KDM5B: variants seen among roughly 807,000 people sequenced by gnomAD.
KDM5B encodes lysine demethylase 5B, also known as lysine-specific demethylase 5B.
Under a neutral mutation model 193.4 loss-of-function variants are expected in KDM5B, and 144 were observed. That is an observed-to-expected ratio of 0.74 (90% CI 0.65 to 0.86). The LOEUF (loss-of-function observed/expected upper bound fraction) is 0.86. Ranked by LOEUF, KDM5B falls within the 40% of genes least tolerant of loss-of-function variation. The probability of loss-of-function intolerance (pLI) is 0.00; values close to 1 mark genes in which losing one functional copy is unlikely to be tolerated. For missense variants in KDM5B, 1,833 were observed against 1,886.9 expected (o/e 0.97, Z 0.53); for synonymous variants, 668 against 682.6 (o/e 0.98, Z 0.33).
intron 4 of KDM5B, among the ~76,000 whole-genome samples, chr1:202,771,591 T>A (rs1010159106): frequency 6.8e-6 from 1 of 148,044 alleles, no homozygotes; most frequent in Non-Finnish European, 1.5e-5. Flanking sequence ...TTATTTTATT[T>A]ATTTTTTTTG....
At chr1:202,754,356 A>G (rs992036381) in intron 11 of KDM5B, among the ~76,000 whole-genome samples, 3 of 152,188 alleles carry the variant, frequency 2.0e-5, no homozygotes, top group Non-Finnish European at 4.4e-5. Context: ...AAATATTTTT[A>G]TATTTAGAAG....
At chr1:202,767,526 A>G (rs1656523256) in intron 4 of KDM5B, 1 of 651,634 alleles carries the variant, frequency 1.5e-6, no homozygotes, top group Non-Finnish European at 2.8e-6. Flanking sequence ...GTGTGCAAGG[A>G]CTGAAAGGAT....
intron 7 of KDM5B, 34 bp downstream of exon 7, chr1:202,762,665 G>A (rs1362184264): frequency 1.6e-6 from 2 of 1,221,094 alleles, no homozygotes; most frequent in South Asian, 1.2e-5. Flanking sequence ...AAGGAAAACA[G>A]GAAAGAAAAA....
chr1:202,768,404 TAAC>T (rs1656564011), intron 4 of KDM5B, among the ~76,000 whole-genome samples: 2 of 152,080 alleles, frequency 1.3e-5, no homozygotes, highest in Admixed American at 1.3e-4. Flanking sequence ...TACGTGGAAA[TAAC>T]AACCTTCCTG....
chr1:202,742,924 T>C, intron 16 of KDM5B, 119 bp from the exon 17 acceptor site: 1 of 803,402 alleles, frequency 1.2e-6, no homozygotes, highest in Non-Finnish European at 1.9e-6. Flanking sequence ...TACAAATGTT[T>C]GCAATGCTTT....
intron 4 of KDM5B, among the ~76,000 whole-genome samples, chr1:202,768,839 T>TCC (rs1340010875): frequency 6.7e-6 from 1 of 149,306 alleles, no homozygotes; most frequent in African/African-American, 2.5e-5. Context: ...TGCCTCAGCC[T>TCC]CCCAAGTAGC....
At chr1:202,793,414 T>C (rs1657720070) in intron 1 of KDM5B, among the ~76,000 whole-genome samples, 2 of 152,244 alleles carry the variant, frequency 1.3e-5, no homozygotes, top group Non-Finnish European at 2.9e-5. Flanking sequence ...ACTGAGGACC[T>C]GCACAGCCTA....
In KDM5B at chr1:202,738,904, G is replaced by A. The variant is rs75861851; in HGVS notation, c.3084+1770C>T. ...TTTAAACTTATATACAGGTCAATAA[G>A]TATAACATCTAGCATAAAACCACAA... On this transcript the variant is annotated intron_variant, in intron 20 of 26. Coordinates refer to ENST00000367265, the MANE Select transcript of KDM5B (RefSeq NM_006618.5). Among the ~76,000 whole-genome samples the A allele has an allele frequency of 2.6e-4, 40 of 152,252 alleles. No homozygotes were observed. In the East Asian group the frequency reaches 6.4e-3, roughly 24 times the overall value.
intron 1 of KDM5B, among the ~76,000 whole-genome samples, chr1:202,789,835 CAT>C (rs1657571503): frequency 6.6e-6 from 1 of 152,008 alleles, no homozygotes; most frequent in African/African-American, 2.4e-5. Context: ...ATTATCCAGA[CAT>C]ATTGGCACGT....
intron 16 of KDM5B, among the ~76,000 whole-genome samples, chr1:202,743,842 T>C (rs1026972882): frequency 7.2e-5 from 11 of 151,964 alleles, no homozygotes; most frequent in African/African-American, 1.2e-4. Flanking sequence ...AAAAATTAAC[T>C]CAAGAGGAAT....
In KDM5B at chr1:202,726,762, C is replaced by T. The variant is rs1375276095; in HGVS notation, c.*2274G>A. 6.6e-6 allele frequency: 1 copy of T among 152,192 alleles called. No homozygotes were observed. The highest frequency in any genetic ancestry group is 6.5e-5 in the Admixed American group (1 of 15,280). 9.4% of individuals were successfully genotyped at this position (152,192 alleles called of 1,614,324 possible). ...GTCTGTAGTCATTTTAGGGATACAA[C>T]AAAGGCATAAACTGGAAAGTAAACG... On this transcript the variant is annotated 3_prime_UTR_variant, in exon 27 of 27. Transcript: ENST00000367265.
chr1:202,773,771 CT>C, intron 3 of KDM5B, among the ~76,000 whole-genome samples: 1 of 144,848 alleles, frequency 6.9e-6, no homozygotes, highest in East Asian at 2.0e-4. Context: ...GAGTTTCTCT[CT>C]TGTTGCCCAG....
intron 1 of KDM5B, chr1:202,807,267 C>G (rs1353964021): frequency 1.3e-5 from 2 of 152,260 alleles, no homozygotes; most frequent in Non-Finnish European, 2.9e-5. Context: ...CCCCGGGGAG[C>G]CGAGCGGCTG....
intron 1 of KDM5B, among the ~76,000 whole-genome samples, chr1:202,781,135 C>T (rs1657181545): frequency 6.6e-6 from 1 of 152,110 alleles, no homozygotes; most frequent in African/African-American, 2.4e-5. Flanking sequence ...CTATCCGTCT[C>T]TACCAAAAAA....
chr1:202,758,243 A>T, intron 9 of KDM5B, 148 bp downstream of exon 9: 1 of 535,408 alleles, frequency 1.9e-6, no homozygotes, highest in Non-Finnish European at 3.0e-6. Context: ...GTGAAATTTT[A>T]AATACCACAA....
chr1:202,760,810 T>G (rs148013761), intron 7 of KDM5B, among the ~76,000 whole-genome samples: 1 of 152,336 alleles, frequency 6.6e-6, no homozygotes, highest in African/African-American at 2.4e-5. Context: ...TCAACTGTCA[T>G]GTGTTTAAAG....
At position 202,756,409 on chromosome 1, in the gene KDM5B, G is replaced by A; in HGVS notation, c.1305C>T (p.Gly435=). The stretch of plus-strand genomic sequence containing the variant: ...TCCCATCTCGGACAGGAAAGCCACT[G>A]CCAAATTCCTTTGAGGCAATGTCAG... ...YGADIASKEF[G]SGFPVRDGKI... is the part of the protein sequence containing the mutation. The change falls in exon 10 of 27, where the codon GGC becomes GGT. Residue 435 remains glycine (G), a synonymous_variant. Transcript: ENST00000367265. 1 of 1,613,512 alleles carries A rather than the reference G, an allele frequency of 6.2e-7. No individual in the cohort carries two copies. The highest frequency in any genetic ancestry group is 1.1e-5 in the South Asian group (1 of 91,010).
At position 202,764,082 on chromosome 1, in the gene KDM5B, G is replaced by A. The variant is rs776299767; in HGVS notation, c.775C>T (p.Arg259Ter). 1.9e-6 allele frequency: 3 copies of A among 1,580,878 alleles called. No homozygotes were observed. Among genetic ancestry groups the A allele is most frequent in the Non-Finnish European group, 2.6e-6 (3 of 1,165,476 alleles). ...TEARTHNLRR[R>*]MGCPTPKCEN... ...CATTTTGGAGTTGGACAACCCATTCGACGTCTCAGATTATGAGTTCTGGCT... is the reference window on the plus strand; with the variant it reads ...CATTTTGGAGTTGGACAACCCATTCAACGTCTCAGATTATGAGTTCTGGCT... Residue 259 changes from arginine to a stop codon, truncating the protein, a stop_gained, in exon 6 of 27, where the codon CGA becomes TGA. Transcript: ENST00000367265. LOFTEE classifies it high-confidence loss of function.
intron 13 of KDM5B, among the ~76,000 whole-genome samples, chr1:202,749,991 G>A (rs1655727755): frequency 6.6e-6 from 1 of 152,192 alleles, no homozygotes; most frequent in Non-Finnish European, 1.5e-5. Context: ...TTAAATTGCT[G>A]TACTGCAGAT....
Sources: allele counts gnomAD v4.1 joint callset (sites outside exome capture counted in the v4.1 genomes callset), GRCh38; gene constraint gnomAD v4.1.1; transcripts MANE v1.5; gene names NCBI Gene and HGNC (gene_info 2026-07-23, HGNC 2026-07-21).